The following SUPT5H variants were observed in gnomAD, a reference collection of about 807,000 sequenced individuals.
SUPT5H encodes SPT5 homolog, DSIF elongation factor subunit.
Under a neutral mutation model 142.5 loss-of-function variants are expected in SUPT5H, and 24 were observed. The ratio of observed to expected loss-of-function variants is 0.17; its 90% CI spans 0.12 to 0.24. The LOEUF (loss-of-function observed/expected upper bound fraction) is 0.24, where lower values mean the gene tolerates loss of function less well. SUPT5H is among the 10% of genes least tolerant of loss of function. The pLI is 1.00. For synonymous variants in SUPT5H, 546 were observed against 553.0 expected, an observed-to-expected ratio of 0.99 and a Z score of 0.18; for missense variants, 893 against 1,471.8, an observed-to-expected ratio of 0.61 and a Z score of 6.43.
chr19:39,469,464 C>T lies in SUPT5H; in HGVS notation c.1374+66C>T, dbSNP rs931913089. On this transcript the variant is annotated intron_variant, in intron 16 of 29. Transcript: ENST00000432763. The surrounding 1 kb of genome is among the most constrained non-coding windows in gnomAD (Gnocchi z 5.1). ...GGCACATCTGACTGTATGTGGCTGT[C>T]GAGGCGGTGGTGTGCCTGGTGACAC... 123 of 1,604,234 alleles carry T rather than the reference C, an allele frequency of 7.7e-5. No individual in the cohort carries two copies. Among genetic ancestry groups the T allele is most frequent in the East Asian group, 2.5e-4 (11 of 44,642 alleles).
rs1445666569 is a variant in SUPT5H, at chr19:39,459,048, T to TA, written c.434dup (p.Tyr145Ter). 1 of 1,613,328 alleles carries TA rather than the reference T, an allele frequency of 6.2e-7. No homozygotes were observed. The highest frequency in any genetic ancestry group is 8.5e-7 in the Non-Finnish European group (1 of 1,179,942). ...ACTGGGCGAGTATTACATGAAGAAA[T>TA]ACGCCAAGTCATCTGTGGGAGAGAC... ...EELGEYYMKK[Y>*]AKSSVGETVY... The change falls in exon 7 of 30, where the codon TAC becomes TAAC. Residue 145 changes from tyrosine (Y) to a stop codon, truncating the protein, a stop_gained and frameshift_variant. Coordinates refer to ENST00000432763, the MANE Select transcript of SUPT5H (RefSeq NM_001111020.3). LOFTEE classifies it high-confidence loss of function.
chr19:39,452,494 A>G (rs1479965968), intron 2 of SUPT5H, among the ~76,000 whole-genome samples: 1 of 152,142 alleles, frequency 6.6e-6, no homozygotes, highest in Non-Finnish European at 1.5e-5. Flanking sequence ...AGAGCATGAT[A>G]CGGCAGAAGC....
intron 3 of SUPT5H, among the ~76,000 whole-genome samples, chr19:39,455,395 C>G (rs945043389): frequency 6.6e-6 from 1 of 151,688 alleles, no homozygotes; most frequent in Non-Finnish European, 1.5e-5. Context: ...AACCCTGTCT[C>G]TACTAAAAAT....
In SUPT5H at chr19:39,476,181, G is replaced by A; in HGVS notation, c.3120+5G>A. 1.2e-6 allele frequency: 2 copies of A among 1,614,146 alleles called. No individual in the cohort carries two copies. Among genetic ancestry groups the A allele is most frequent in the Non-Finnish European group, 1.7e-6 (2 of 1,180,036 alleles). On this transcript the variant is annotated splice_donor_5th_base_variant and intron_variant, in intron 29 of 29. Coordinates refer to ENST00000432763, the MANE Select transcript of SUPT5H (RefSeq NM_001111020.3). ...ACCCCCACCAAGAACAACAAGGTAA[G>A]GGCAGGGGGCAAGGAGATAAGATGG...
chr19:39,459,430 G>T (rs976856379), intron 8 of SUPT5H, 129 bp from the exon 9 acceptor site: 1 of 1,374,132 alleles, frequency 7.3e-7, no homozygotes, highest in Admixed American at 1.8e-5. Flanking sequence ...GGGTAGAAGC[G>T]TGGGGAAGTC....
chr19:39,462,580 G>A (rs1184785020), intron 10 of SUPT5H, among the ~76,000 whole-genome samples: 1 of 151,946 alleles, frequency 6.6e-6, no homozygotes, highest in Non-Finnish European at 1.5e-5. Context: ...GCCCAGGCTA[G>A]AATGTAATGG....
At position 39,469,965 on chromosome 19, in the gene SUPT5H, G is replaced by A; in HGVS notation, c.1375-154G>A. On this transcript the variant is annotated intron_variant, in intron 16 of 29. Transcript: ENST00000432763. The surrounding 1 kb of genome is among the most constrained non-coding windows in gnomAD (Gnocchi z 5.1). ...TCAGCTGTTTCTGGGGCAGTCTGAGGGGTCGTCCAGGTGGACTAAGGTAGT... is the reference window on the plus strand; with the variant it reads ...TCAGCTGTTTCTGGGGCAGTCTGAGAGGTCGTCCAGGTGGACTAAGGTAGT... The A allele has an allele frequency of 1.0e-6, 1 of 980,560 alleles. No individual in the cohort carries two copies. The highest frequency in any genetic ancestry group is 1.5e-6 in the Non-Finnish European group (1 of 666,448). The allele number at this position is 980,560 out of a possible 1,614,324, so 60.7% of individuals were successfully genotyped here. A position where few individuals can be genotyped will look rare whatever the true frequency, so the allele number is the denominator to read the frequency against.
At chr19:39,476,015 T>G in intron 28 of SUPT5H, 66 bp from the exon 29 acceptor site, 1 of 1,450,884 alleles carries the variant, frequency 6.9e-7, no homozygotes, top group Non-Finnish European at 9.6e-7. Context: ...CTGTGTCCCC[T>G]GGAGTATGGG....
intron 11 of SUPT5H, 93 bp downstream of exon 11, chr19:39,465,142 A>G: frequency 6.6e-7 from 1 of 1,505,528 alleles, no homozygotes. Flanking sequence ...TGTGCTGCAG[A>G]GAATAGAATC....
chr19:39,464,380 G>C (rs2079207111), intron 10 of SUPT5H, among the ~76,000 whole-genome samples: 1 of 149,926 alleles, frequency 6.7e-6, no homozygotes, highest in African/African-American at 2.5e-5. Flanking sequence ...ATTTTTAAGA[G>C]ACAGGGTTTC....
chr19:39,466,910 A>T lies in SUPT5H; in HGVS notation c.1037+165A>T, dbSNP rs2146113134. On this transcript the variant is annotated intron_variant, in intron 13 of 29. Coordinates refer to ENST00000432763, the MANE Select transcript of SUPT5H (RefSeq NM_001111020.3). The surrounding 1 kb of genome is among the most constrained non-coding windows in gnomAD (Gnocchi z 4.3). Reference sequence around the variant, plus strand: ...AAGTCACTTCACATCCCTGTGCCTCAGTTTCTTCTGCTATAAAGATTGATG... The same window carrying T: ...AAGTCACTTCACATCCCTGTGCCTCTGTTTCTTCTGCTATAAAGATTGATG... 2.0e-5 allele frequency: 13 copies of T among 649,552 alleles called. No individual in the cohort carries two copies. The South Asian group carries it at 2.2e-4, about 11-fold the overall frequency. 40.2% of individuals were successfully genotyped at this position (649,552 alleles called of 1,614,324 possible). A position where few individuals can be genotyped will look rare whatever the true frequency, so the allele number is the denominator to read the frequency against.
At chr19:39,465,166 T>C in intron 11 of SUPT5H, 117 bp downstream of exon 11, 2 of 1,423,848 alleles carry the variant, frequency 1.4e-6, no homozygotes, top group South Asian at 1.4e-5. Context: ...CTCAGATGAG[T>C]TGAAGCAGAG....
intron 3 of SUPT5H, among the ~76,000 whole-genome samples, chr19:39,455,779 C>T (rs1261529795): frequency 2.7e-5 from 4 of 148,470 alleles, no homozygotes; most frequent in African/African-American, 5.0e-5. Context: ...CCTGCCACTA[C>T]GCCCAGCTAA....
Position 39,458,593 on chromosome 19 carries a change from G to A in SUPT5H, c.320-225G>A. 1.4e-6 allele frequency: 1 copy of A among 698,034 alleles called. No individual in the cohort carries two copies. Among genetic ancestry groups the A allele is most frequent in the Non-Finnish European group, 2.4e-6 (1 of 424,102 alleles). 43.2% of individuals were successfully genotyped at this position (698,034 alleles called of 1,614,324 possible). The stretch of plus-strand genomic sequence containing the variant: ...GTGCCTGGACTTTGAGATGGGAACA[G>A]CTGGAAGCCCCCCAACTTGCTGGGC... On this transcript the variant is annotated intron_variant, in intron 5 of 29. Coordinates refer to ENST00000432763, the MANE Select transcript of SUPT5H (RefSeq NM_001111020.3). The surrounding 1 kb of genome is among the most constrained non-coding windows in gnomAD (Gnocchi z 4.2).
rs2079404852 is a variant in SUPT5H, at chr19:39,476,267, C to T, written c.3132C>T (p.Ile1044=). 1 of 1,613,950 alleles carries T rather than the reference C, an allele frequency of 6.2e-7. No homozygotes were observed. The highest frequency in any genetic ancestry group is 8.5e-7 in the Non-Finnish European group (1 of 1,180,028). ...CCCCCCACCCCCAGGTGAAAGTGAT[C>T]CTGGGCGAGGATCGGGAAGCCACGG... The part of the protein sequence containing the change: ...TPTKNNKVKV[I]LGEDREATGV... Residue 1044 remains isoleucine (I), a synonymous_variant, in exon 30 of 30, where the codon ATC becomes ATT. Coordinates refer to ENST00000432763, the MANE Select transcript of SUPT5H (RefSeq NM_001111020.3).
At position 39,470,242 on chromosome 19, in the gene SUPT5H, G is replaced by A. The variant is rs149954660; in HGVS notation, c.1498G>A (p.Val500Ile). ...GLIVRVEENF[V>I]ILFSDLTMHE... ...CATTGTGCGGGTGGAGGAGAATTTC[G>A]TTATCCTGTTCTCTGACCTCACCAT... The change falls in exon 17 of 30, where the codon GTT (valine) becomes ATT (isoleucine). Residue 500 changes from valine to isoleucine, a missense_variant. By Grantham distance (29) the Val-to-Ile change is conservative. Coordinates refer to ENST00000432763, the MANE Select transcript of SUPT5H (RefSeq NM_001111020.3). This position sits in a 1 kb window ranked among gnomAD's most constrained non-coding sequence, Gnocchi z 5.8. The A allele has an allele frequency of 6.3e-7, 1 of 1,591,674 alleles. No individual in the cohort carries two copies. The highest frequency in any genetic ancestry group is 8.6e-7 in the Non-Finnish European group (1 of 1,165,224).
rs878899150 is a variant in SUPT5H, at chr19:39,476,179, A to G, written c.3120+3A>G. 3 of 1,613,886 alleles carry G rather than the reference A, an allele frequency of 1.9e-6. No homozygotes were observed. The highest frequency in any genetic ancestry group is 1.7e-5 in the Admixed American group (1 of 59,986). On this transcript the variant is annotated splice_donor_region_variant and intron_variant, in intron 29 of 29. Coordinates refer to ENST00000432763, the MANE Select transcript of SUPT5H (RefSeq NM_001111020.3). The stretch of plus-strand genomic sequence containing the variant: ...TCACCCCCACCAAGAACAACAAGGT[A>G]AGGGCAGGGGGCAAGGAGATAAGAT...
chr19:39,458,395 C>A lies in SUPT5H; in HGVS notation c.319+90C>A. On this transcript the variant is annotated intron_variant, in intron 5 of 29. Coordinates refer to ENST00000432763, the MANE Select transcript of SUPT5H (RefSeq NM_001111020.3). The surrounding 1 kb of genome is among the most constrained non-coding windows in gnomAD (Gnocchi z 4.2). ...AGGCACCTGCCCTCACCGGTAGCCT[C>A]CCCACCAGCCCCGGTCTGGCCCTGA... 3 of 1,590,794 alleles carry A rather than the reference C, an allele frequency of 1.9e-6. No homozygotes were observed. Among genetic ancestry groups the A allele is most frequent in the Non-Finnish European group, 2.6e-6 (3 of 1,168,544 alleles).
Position 39,475,996 on chromosome 19 carries a change from G to T in SUPT5H, c.3025-85G>T, listed in dbSNP as rs76038682. On this transcript the variant is annotated intron_variant, in intron 28 of 29. Transcript: ENST00000432763. ...ATTTCACCTTGAGTTCTCAGAATGA[G>T]CCCTGAGCCTGTGTCCCCTGGAGTA... is the stretch of plus-strand genomic sequence containing the variant. 1.2e-3 allele frequency: 1,516 copies of T among 1,282,476 alleles called. 19 individuals are homozygous for T. In the African/African-American group the frequency reaches 0.02, roughly 17 times the overall value. 79.4% of individuals were successfully genotyped at this position (1,282,476 alleles called of 1,614,324 possible). A position where few individuals can be genotyped will look rare whatever the true frequency, so the allele number is the denominator to read the frequency against.
Sources: gnomAD v4.1 joint callset for allele counts (sites outside exome capture counted in the v4.1 genomes callset) on GRCh38, gnomAD v4.1.1 for gene constraint, Gnocchi (gnomAD v3.1) non-coding constraint, MANE v1.5 for transcripts, NCBI Gene and HGNC (gene_info 2026-07-23, HGNC 2026-07-21) for gene names.